The following FBXL7 variants were observed in gnomAD, a reference collection of about 807,000 sequenced individuals.
The protein encoded by FBXL7 is F-box and leucine rich repeat protein 7, also known as F-box/LRR-repeat protein 7.
In FBXL7, 12 loss-of-function variants were observed where a neutral mutation model predicts 38.3. The observed-to-expected ratio is 0.31, with a 90% CI of 0.20 to 0.51. FBXL7 has a LOEUF of 0.51. Ranked by LOEUF, FBXL7 falls within the 20% of genes least tolerant of loss-of-function variation. The pLI is 0.98. For missense variants in FBXL7, 567 were observed against 676.4 expected (o/e 0.84, Z 1.79); for synonymous variants, 297 against 300.9 (o/e 0.99, Z 0.13).
chr5:15,865,686 C>T (rs920380830), intron 2 of FBXL7, among the ~76,000 whole-genome samples: 17 of 152,146 alleles, frequency 1.1e-4, no homozygotes, highest in Non-Finnish European at 2.2e-4. Context: ...TTCTGTCTCC[C>T]TTTTTTCCCC....
intron 2 of FBXL7, among the ~76,000 whole-genome samples, chr5:15,821,092 C>T (rs996716175): frequency 1.3e-5 from 2 of 152,090 alleles, no homozygotes; most frequent in African/African-American, 2.4e-5. Flanking sequence ...TGAATAGAGT[C>T]GGACACATGG....
At chr5:15,790,983 G>C (rs143708024) in intron 2 of FBXL7, among the ~76,000 whole-genome samples, 29 of 152,012 alleles carry the variant, frequency 1.9e-4, no homozygotes, top group African/African-American at 5.8e-4. Flanking sequence ...CTTCTGAATG[G>C]GGTGGCCTGG....
At position 15,817,793 on chromosome 5, in the gene FBXL7, C is replaced by T. The variant is rs147987464; in HGVS notation, c.128-110097C>T. ...CCAGCCATGTGGAACTGCGAGTCCA[C>T]TAAACCTCTATTTCTTTACAGATTA... On this transcript the variant is annotated intron_variant, in intron 2 of 3. Coordinates refer to ENST00000504595, the MANE Select transcript of FBXL7 (RefSeq NM_012304.5). Among the ~76,000 whole-genome samples, 109 of 152,300 alleles carry T rather than the reference C, an allele frequency of 7.2e-4. 1 individual carries two copies. The highest frequency in any genetic ancestry group is 2.3e-3 in the African/African-American group (97 of 41,570).
intron 2 of FBXL7, among the ~76,000 whole-genome samples, chr5:15,684,795 G>A (rs1049837688): frequency 6.6e-6 from 1 of 152,190 alleles, no homozygotes; most frequent in Non-Finnish European, 1.5e-5. Context: ...GTGGTCTCCA[G>A]AAGTGCAAAA....
chr5:15,578,541 G>A (rs1739038455), intron 1 of FBXL7, among the ~76,000 whole-genome samples: 1 of 152,140 alleles, frequency 6.6e-6, no homozygotes, highest in Non-Finnish European at 1.5e-5. Flanking sequence ...ATGGCCTCAG[G>A]TGTGGTTCTG....
At chr5:15,629,873 G>T (rs947233295) in intron 2 of FBXL7, among the ~76,000 whole-genome samples, 7 of 152,054 alleles carry the variant, frequency 4.6e-5, no homozygotes, top group Admixed American at 2.6e-4. Flanking sequence ...GACTTCAAAA[G>T]CTATGGAATA....
At chr5:15,540,948 A>C (rs1054266312) in intron 1 of FBXL7, among the ~76,000 whole-genome samples, 3 of 152,176 alleles carry the variant, frequency 2.0e-5, no homozygotes, top group African/African-American at 7.2e-5. Context: ...GAAAGATACA[A>C]ACCTTCAGAC....
At chr5:15,850,832 A>C (rs935069568) in intron 2 of FBXL7, among the ~76,000 whole-genome samples, 1 of 152,150 alleles carries the variant, frequency 6.6e-6, no homozygotes, top group Admixed American at 6.5e-5. Context: ...TATGCTTTTG[A>C]GTTTTGATTT....
At chr5:15,816,407 T>C (rs954508237) in intron 2 of FBXL7, among the ~76,000 whole-genome samples, 8 of 152,140 alleles carry the variant, frequency 5.3e-5, no homozygotes, top group Admixed American at 1.3e-4. Flanking sequence ...CCAAATACCC[T>C]AAGTTCTCAC....
intron 2 of FBXL7, among the ~76,000 whole-genome samples, chr5:15,747,258 G>T (rs537927722): frequency 5.9e-5 from 9 of 152,194 alleles, no homozygotes; most frequent in Admixed American, 5.9e-4. Context: ...ATGGAAAGAT[G>T]TTATTTTGCT....
At chr5:15,524,178 C>T (rs1303876660) in intron 1 of FBXL7, among the ~76,000 whole-genome samples, 1 of 152,108 alleles carries the variant, frequency 6.6e-6, no homozygotes, top group East Asian at 1.9e-4. Context: ...TATAGTGGCT[C>T]AGTTTAGATA....
At chr5:15,605,428 G>A (rs1483696559) in intron 1 of FBXL7, among the ~76,000 whole-genome samples, 1 of 152,162 alleles carries the variant, frequency 6.6e-6, no homozygotes, top group Non-Finnish European at 1.5e-5. Flanking sequence ...ATGGATATAT[G>A]AAACAATGTG....
intron 2 of FBXL7, among the ~76,000 whole-genome samples, chr5:15,633,141 T>C (rs1741056299): frequency 6.6e-6 from 1 of 152,300 alleles, no homozygotes; most frequent in Non-Finnish European, 1.5e-5. Flanking sequence ...AGGAAAAAGA[T>C]GAGAAGGACA....
At chr5:15,927,272 T>C (rs1393366432) in intron 2 of FBXL7, among the ~76,000 whole-genome samples, 1 of 152,150 alleles carries the variant, frequency 6.6e-6, no homozygotes, top group Non-Finnish European at 1.5e-5. Context: ...ACAGAGCCCA[T>C]GGCCTGCAAA....
At chr5:15,694,083 G>A (rs1378626793) in intron 2 of FBXL7, among the ~76,000 whole-genome samples, 1 of 152,152 alleles carries the variant, frequency 6.6e-6, no homozygotes, top group African/African-American at 2.4e-5. Flanking sequence ...CTGGGCTTTG[G>A]GAGCTGTAAA....
intron 2 of FBXL7, among the ~76,000 whole-genome samples, chr5:15,846,919 A>G (rs1023955488): frequency 1.3e-5 from 2 of 152,320 alleles, no homozygotes; most frequent in African/African-American, 4.8e-5. Context: ...AAGATATAGA[A>G]ATTAAAAATT....
At chr5:15,674,581 C>T (rs1173634282) in intron 2 of FBXL7, among the ~76,000 whole-genome samples, 1 of 152,110 alleles carries the variant, frequency 6.6e-6, no homozygotes, top group Non-Finnish European at 1.5e-5. Flanking sequence ...AGTTCATTAT[C>T]ATAACTCATA....
At chr5:15,572,409 A>G (rs1169359357) in intron 1 of FBXL7, among the ~76,000 whole-genome samples, 4 of 150,338 alleles carry the variant, frequency 2.7e-5, no homozygotes, top group Admixed American at 1.3e-4. Flanking sequence ...AAAAAAAAAA[A>G]ATCTTGTTCA....
At chr5:15,525,450 A>G (rs1016922932) in intron 1 of FBXL7, among the ~76,000 whole-genome samples, 1 of 152,160 alleles carries the variant, frequency 6.6e-6, no homozygotes, top group Non-Finnish European at 1.5e-5. Flanking sequence ...TGTCTTGGTC[A>G]TGTTTTTCTG....
Sources: gnomAD v4.1 joint callset for allele counts (sites outside exome capture counted in the v4.1 genomes callset) on GRCh38, gnomAD v4.1.1 for gene constraint, MANE v1.5 for transcripts, NCBI Gene and HGNC (gene_info 2026-07-23, HGNC 2026-07-21) for gene names.